Variants in AP4S1 observed in about 807,000 individuals in gnomAD.
AP4S1 encodes AP-4 complex subunit sigma-1.
In AP4S1, 23 loss-of-function variants were observed where a neutral mutation model predicts 19.8. The ratio of observed to expected loss-of-function variants is 1.16; its 90% CI spans 0.84 to 1.65. The LOEUF (loss-of-function observed/expected upper bound fraction) is 1.65. Ranked by LOEUF, AP4S1 falls within the 40% of genes most tolerant of loss-of-function variation. AP4S1 has a pLI of 0.00. For synonymous variants in AP4S1, 46 were observed against 54.1 expected, an observed-to-expected ratio of 0.85 and a Z score of 0.66; for missense variants, 166 against 172.8, an observed-to-expected ratio of 0.96 and a Z score of 0.22.
intron 1 of AP4S1, among the ~76,000 whole-genome samples, chr14:31,057,792 A>AT (rs900926377): frequency 5.9e-5 from 9 of 151,664 alleles, no homozygotes; most frequent in African/African-American, 2.2e-4. Context: ...CGCCTGGCTA[A>AT]TTTTTTTGTA....
At chr14:31,074,395 G>C (rs1457106819) in intron 4 of AP4S1, among the ~76,000 whole-genome samples, 3 of 151,176 alleles carry the variant, frequency 2.0e-5, no homozygotes, top group Non-Finnish European at 4.4e-5. Flanking sequence ...GCTGACGCCT[G>C]TAATCTCAGC....
At chr14:31,085,702 G>C (rs1007618739) in intron 5 of AP4S1, 16 of 686,554 alleles carry the variant, frequency 2.3e-5, no homozygotes, top group Admixed American at 1.9e-4. Flanking sequence ...GAGCCTGGGG[G>C]ACTGAGGCTG....
At chr14:31,068,510 A>G (rs2139579139) in intron 2 of AP4S1, among the ~76,000 whole-genome samples, 1 of 152,356 alleles carries the variant, frequency 6.6e-6, no homozygotes, top group East Asian at 1.9e-4. Flanking sequence ...ATGTTGTCAG[A>G]CGGAAACAGA....
intron 5 of AP4S1, among the ~76,000 whole-genome samples, chr14:31,082,756 C>T (rs1209603919): frequency 2.0e-5 from 3 of 152,180 alleles, no homozygotes; most frequent in East Asian, 1.9e-4. Flanking sequence ...ATTAGCCGGG[C>T]GCGGTGGCGG....
chr14:31,051,063 T>C (rs1410830699), intron 1 of AP4S1, among the ~76,000 whole-genome samples: 1 of 151,940 alleles, frequency 6.6e-6, no homozygotes, highest in African/African-American at 2.4e-5. Flanking sequence ...AAAACCAGCC[T>C]AGGCAACAAA....
intron 5 of AP4S1, among the ~76,000 whole-genome samples, chr14:31,089,126 C>G (rs1236070731): frequency 2.7e-5 from 4 of 149,704 alleles, no homozygotes; most frequent in Non-Finnish European, 5.9e-5. Flanking sequence ...TGCCACTGCA[C>G]TCCAGCCTGG....
intron 1 of AP4S1, among the ~76,000 whole-genome samples, chr14:31,049,518 C>G (rs981473883): frequency 8.5e-5 from 11 of 129,648 alleles, no homozygotes; most frequent in African/African-American, 3.3e-4. Context: ...CATAAATTAC[C>G]CTCAAGCCTA....
intron 5 of AP4S1, among the ~76,000 whole-genome samples, chr14:31,082,768 C>A (rs1044772387): frequency 6.6e-6 from 1 of 152,062 alleles, no homozygotes; most frequent in Non-Finnish European, 1.5e-5. Context: ...CGGTGGCGGG[C>A]GCCTGTAGTC....
In AP4S1 at chr14:31,089,180, A is replaced by T. The variant is rs1888008472; in HGVS notation, c.307-3727A>T. On this transcript the variant is annotated intron_variant, in intron 5 of 5. Coordinates refer to ENST00000542754, the MANE Select transcript of AP4S1 (RefSeq NM_001128126.3). ...GTCTTAACCAAAAAAAAAAAAAAAAAAGTGAACAGAAGACTATACTATACT... is the reference window on the plus strand; with the variant it reads ...GTCTTAACCAAAAAAAAAAAAAAAATAGTGAACAGAAGACTATACTATACT... Among the ~76,000 whole-genome samples the T allele has an allele frequency of 4.6e-5, 7 of 151,950 alleles. 1 individual carries two copies. In the South Asian group the frequency reaches 1.5e-3, roughly 32 times the overall value.
intron 1 of AP4S1, among the ~76,000 whole-genome samples, chr14:31,041,488 A>T (rs1238248038): frequency 6.6e-6 from 1 of 152,134 alleles, no homozygotes; most frequent in Non-Finnish European, 1.5e-5. Context: ...AACTTGATTC[A>T]CCATTTATTA....
intron 5 of AP4S1, chr14:31,085,160 G>A: frequency 8.2e-7 from 1 of 1,213,398 alleles, no homozygotes; most frequent in Admixed American, 3.8e-5. Flanking sequence ...TCCCCATCAT[G>A]GGGCAGATGC....
chr14:31,066,509 T>C (rs1288258989), intron 2 of AP4S1, among the ~76,000 whole-genome samples, 175 bp downstream of exon 2: 3 of 152,200 alleles, frequency 2.0e-5, no homozygotes, highest in Non-Finnish European at 4.4e-5. Context: ...TTTACATCCC[T>C]TTAAGAAAAC....
At chr14:31,028,969 T>C (rs1884220260) in intron 1 of AP4S1, among the ~76,000 whole-genome samples, 2 of 152,206 alleles carry the variant, frequency 1.3e-5, no homozygotes, top group South Asian at 2.1e-4. Flanking sequence ...TGCACACTTA[T>C]AACTGGTAAC....
intron 1 of AP4S1, among the ~76,000 whole-genome samples, chr14:31,064,315 C>G (rs558099107): frequency 6.6e-6 from 1 of 151,944 alleles, no homozygotes; most frequent in Non-Finnish European, 1.5e-5. Context: ...GTGGCACAAT[C>G]TCAGCTCACT....
At chr14:31,064,967 G>A (rs1886636907) in intron 1 of AP4S1, among the ~76,000 whole-genome samples, 1 of 151,960 alleles carries the variant, frequency 6.6e-6, no homozygotes, top group Non-Finnish European at 1.5e-5. Flanking sequence ...AATAAAGTAA[G>A]GATAACAGAA....
chr14:31,055,365 G>A (rs1192126778), intron 1 of AP4S1, among the ~76,000 whole-genome samples: 1 of 152,134 alleles, frequency 6.6e-6, no homozygotes, highest in Non-Finnish European at 1.5e-5. Context: ...ATGTTATCAT[G>A]ATGACACTGG....
intron 4 of AP4S1, chr14:31,073,181 ACTG>A: frequency 1.8e-6 from 1 of 545,728 alleles, no homozygotes; most frequent in Non-Finnish European, 3.2e-6. Flanking sequence ...TTTATAAAGA[ACTG>A]GAAAAAAAAA....
chr14:31,045,964 A>ATTTT (rs34459906), intron 1 of AP4S1, among the ~76,000 whole-genome samples: 1 of 130,580 alleles, frequency 7.7e-6, no homozygotes, highest in Non-Finnish European at 1.6e-5. Flanking sequence ...AAGGAGCTAG[A>ATTTT]TTTTTTTTTT....
At chr14:31,067,543 CTTGCT>C (rs1886790040) in intron 2 of AP4S1, among the ~76,000 whole-genome samples, 1 of 143,842 alleles carries the variant, frequency 7.0e-6, no homozygotes, top group East Asian at 2.1e-4. Flanking sequence ...GAGATGGAGT[CTTGCT>C]TTGTCACCCA....
Sources: gnomAD v4.1 joint callset for allele counts (sites outside exome capture counted in the v4.1 genomes callset) on GRCh38, gnomAD v4.1.1 for gene constraint, MANE v1.5 for transcripts, NCBI Gene and HGNC (gene_info 2026-07-23, HGNC 2026-07-21) for gene names.